Variants in PRELID2 observed in about 807,000 individuals in gnomAD.
The protein encoded by PRELID2 is PRELI domain-containing protein 2.
A neutral mutation model predicts 28.4 loss-of-function variants in PRELID2; 25 were observed. That is an observed-to-expected ratio of 0.88 (90% CI 0.64 to 1.23). The LOEUF (loss-of-function observed/expected upper bound fraction) is 1.23. Ranked by LOEUF, PRELID2 falls within the 50% of genes most tolerant of loss-of-function variation. The pLI is 0.00. For synonymous variants in PRELID2, 76 were observed against 71.6 expected, an observed-to-expected ratio of 1.06 and a Z score of -0.31; for missense variants, 201 against 214.4, an observed-to-expected ratio of 0.94 and a Z score of 0.39.
At chr5:145,390,481 C>T in the PRELID2 span, among the ~76,000 whole-genome samples, 1 of 152,104 alleles carries the variant, frequency 6.6e-6, no homozygotes, top group Non-Finnish European at 1.5e-5. Flanking sequence ...CCTTATAAAA[C>T]CATCAGATAT....
chr5:145,388,735 A>T, the PRELID2 span, among the ~76,000 whole-genome samples: 3 of 152,008 alleles, frequency 2.0e-5, no homozygotes, highest in Non-Finnish European at 2.9e-5. Flanking sequence ...GTCTTTCCAC[A>T]TCTCCACGTG....
intron 2 of PRELID2, among the ~76,000 whole-genome samples, chr5:145,821,152 G>GGTGGGTGTGTGTGTGT (rs1554100260): frequency 4.4e-4 from 39 of 88,264 alleles, no homozygotes; most frequent in African/African-American, 1.6e-3. Flanking sequence ...AACTCTCCTG[G>GGTGGGTGTGTGTGTGT]GTGTGTGTGT....
intron 1 of PRELID2, among the ~76,000 whole-genome samples, chr5:145,614,475 C>T (rs765888380): frequency 2.0e-5 from 3 of 152,094 alleles, no homozygotes; most frequent in Admixed American, 6.6e-5. Flanking sequence ...TCCATTTGCT[C>T]GTGTTGTCTA....
At chr5:145,528,013 C>A (rs1425494492) in intron 1 of PRELID2, among the ~76,000 whole-genome samples, 1 of 151,992 alleles carries the variant, frequency 6.6e-6, no homozygotes, top group Admixed American at 6.6e-5. Flanking sequence ...CATATTATGT[C>A]CCATCTCCCA....
chr5:145,452,101 A>G, the PRELID2 span, among the ~76,000 whole-genome samples: 1 of 152,160 alleles, frequency 6.6e-6, no homozygotes, highest in African/African-American at 2.4e-5. Flanking sequence ...CTACAGTACA[A>G]TTCCCAGACA....
chr5:145,589,686 C>T (rs984548191), intron 1 of PRELID2, among the ~76,000 whole-genome samples: 4 of 151,948 alleles, frequency 2.6e-5, no homozygotes, highest in African/African-American at 9.7e-5. Flanking sequence ...ATATGCATTG[C>T]CACATTTATT....
the PRELID2 span, among the ~76,000 whole-genome samples, chr5:145,277,521 T>C: frequency 1.3e-5 from 2 of 152,136 alleles, no homozygotes; most frequent in Admixed American, 1.3e-4. Flanking sequence ...CTTTACCTCT[T>C]AGCCTTCCAA....
intron 1 of PRELID2, among the ~76,000 whole-genome samples, chr5:145,481,623 C>CG (rs1752160143): frequency 4.8e-5 from 2 of 41,862 alleles, no homozygotes; most frequent in Non-Finnish European, 7.5e-5. Context: ...GCAAGGAAAT[C>CG]AAAAAAAAAA....
intron 2 of PRELID2, among the ~76,000 whole-genome samples, chr5:145,821,732 G>A (rs527260795): frequency 2.4e-4 from 36 of 152,312 alleles, no homozygotes; most frequent in Non-Finnish European, 4.3e-4. Context: ...ACACATACTC[G>A]AAATGGATTA....
chr5:145,473,702 C>T (rs1268785847), intron 1 of PRELID2, among the ~76,000 whole-genome samples: 7 of 151,996 alleles, frequency 4.6e-5, no homozygotes, highest in East Asian at 3.9e-4. Context: ...TTCAGTGCCA[C>T]GGGAAAGGAA....
At chr5:145,396,155 G>A in the PRELID2 span, among the ~76,000 whole-genome samples, 3 of 152,074 alleles carry the variant, frequency 2.0e-5, no homozygotes, top group East Asian at 1.9e-4. Flanking sequence ...AAATGTTTAC[G>A]AAGCTTTATA....
At chr5:145,497,978 C>T (rs1246850345) in intron 1 of PRELID2, among the ~76,000 whole-genome samples, 1 of 152,122 alleles carries the variant, frequency 6.6e-6, no homozygotes, top group Admixed American at 6.6e-5. Context: ...CAACACTTGC[C>T]CTTCACTAAT....
chr5:145,337,143 T>C, the PRELID2 span, among the ~76,000 whole-genome samples: 1 of 151,248 alleles, frequency 6.6e-6, no homozygotes, highest in South Asian at 2.1e-4. Context: ...GAACCCAGCA[T>C]AACACCTTAA....
chr5:145,241,878 G>T, the PRELID2 span, among the ~76,000 whole-genome samples: 5 of 151,844 alleles, frequency 3.3e-5, no homozygotes, highest in South Asian at 8.3e-4. Context: ...CAAAGTACCA[G>T]CTGAGAAAAT....
At chr5:145,580,916 A>G (rs1168770839) in intron 1 of PRELID2, among the ~76,000 whole-genome samples, 1 of 152,042 alleles carries the variant, frequency 6.6e-6, no homozygotes, top group Non-Finnish European at 1.5e-5. Flanking sequence ...AAACCTTTCA[A>G]TGACTTTCCA....
the PRELID2 span, among the ~76,000 whole-genome samples, chr5:145,254,521 ACT>A: frequency 6.6e-6 from 1 of 152,162 alleles, no homozygotes; most frequent in South Asian, 2.1e-4. Flanking sequence ...GAAAGTGGTG[ACT>A]CTGAAGGCAC....
chr5:145,402,528 A>G, the PRELID2 span, among the ~76,000 whole-genome samples: 2 of 152,192 alleles, frequency 1.3e-5, no homozygotes, highest in African/African-American at 4.8e-5. Flanking sequence ...CACTGTACCA[A>G]AATCTGTGCT....
chr5:145,506,199 C>T (rs1324741721), intron 1 of PRELID2, among the ~76,000 whole-genome samples: 1 of 152,168 alleles, frequency 6.6e-6, no homozygotes, highest in African/African-American at 2.4e-5. Flanking sequence ...TTCATTGCTT[C>T]AAATCCTGCC....
the PRELID2 span, among the ~76,000 whole-genome samples, chr5:145,418,960 A>T: frequency 6.8e-6 from 1 of 147,772 alleles, no homozygotes. Context: ...ATTCCCACCT[A>T]TGAGTGAGAA....
Sources: allele counts gnomAD v4.1 joint callset (sites outside exome capture counted in the v4.1 genomes callset), GRCh38; gene constraint gnomAD v4.1.1; transcripts MANE v1.5; gene names NCBI Gene and HGNC (gene_info 2026-07-23, HGNC 2026-07-21).